CCDC14: variants seen among roughly 807,000 people sequenced by gnomAD.
CCDC14 encodes the protein coiled-coil domain containing 14, also known as coiled-coil domain-containing protein 14.
A neutral mutation model predicts 81.4 loss-of-function variants in CCDC14; 71 were observed. That is an observed-to-expected ratio of 0.87 (90% confidence interval 0.72 to 1.06). The LOEUF is 1.06. CCDC14 is among the 50% of genes least tolerant of loss of function. The probability of loss-of-function intolerance (pLI) is 0.00; values close to 1 mark genes in which losing one functional copy is unlikely to be tolerated. For missense variants in CCDC14, 1,046 were observed against 1,047.3 expected, an observed-to-expected ratio of 1.00 and a Z score of 0.02; for synonymous variants, 332 against 364.8, an observed-to-expected ratio of 0.91 and a Z score of 1.03.
At chr3:123,901,278 G>A (rs2034173562) in intron 5 of CCDC14, among the ~76,000 whole-genome samples, 1 of 151,442 alleles carries the variant, frequency 6.6e-6, no homozygotes, top group Non-Finnish European at 1.5e-5. Context: ...TACACAGGGG[G>A]GCTTATTAAG....
chr3:123,960,531 G>A (rs2037619029), intron 1 of CCDC14, among the ~76,000 whole-genome samples: 1 of 152,146 alleles, frequency 6.6e-6, no homozygotes. Context: ...TACCTCATAA[G>A]GATATCGTGA....
chr3:123,914,222 A>G lies in CCDC14; in HGVS notation c.*557T>C, dbSNP rs2034530055. 4 of 984,406 alleles carry G rather than the reference A, an allele frequency of 4.1e-6. No homozygotes were observed. Among genetic ancestry groups the G allele is most frequent in the African/African-American group, 1.7e-5 (1 of 57,192 alleles). 61.0% of individuals were successfully genotyped at this position (984,406 alleles called of 1,614,324 possible). On this transcript the variant is annotated 3_prime_UTR_variant, in exon 13 of 13. Transcript: ENST00000409697. ...TATGTTAACTTAGGATGTTATCTAT[A>G]TATTTTTTAGACCAATCAATGTTTT...
At chr3:123,900,212 G>A (rs1386695615) in intron 5 of CCDC14, among the ~76,000 whole-genome samples, 1 of 152,154 alleles carries the variant, frequency 6.6e-6, no homozygotes, top group Non-Finnish European at 1.5e-5. Flanking sequence ...TAAGAACAAG[G>A]TAGAATTTTT....
chr3:123,931,864 T>G (rs1276052811), intron 10 of CCDC14, among the ~76,000 whole-genome samples: 7 of 152,198 alleles, frequency 4.6e-5, no homozygotes, highest in Non-Finnish European at 1.0e-4. Context: ...GAATCTCCCT[T>G]CCACTCCTCC....
At chr3:123,918,858 A>T (rs1577230838) in intron 12 of CCDC14, among the ~76,000 whole-genome samples, 2 of 152,200 alleles carry the variant, frequency 1.3e-5, no homozygotes, top group Admixed American at 6.5e-5. Context: ...GACCAGAGAG[A>T]CCAGTCAATA....
At chr3:123,943,302 T>G (rs1034360309) in intron 9 of CCDC14, among the ~76,000 whole-genome samples, 4 of 152,044 alleles carry the variant, frequency 2.6e-5, no homozygotes, top group Non-Finnish European at 5.9e-5. Flanking sequence ...CCAGCTTCAG[T>G]GATAAAGGTG....
In CCDC14 at chr3:123,947,226, T is replaced by G; in HGVS notation, c.778A>C (p.Ser260Arg). The G allele has an allele frequency of 6.2e-7, 1 of 1,613,978 alleles. No individual in the cohort carries two copies. The highest frequency in any genetic ancestry group is 8.5e-7 in the Non-Finnish European group (1 of 1,179,866). The change falls in exon 8 of 13, where the codon AGT becomes CGT. Residue 260 changes from serine to arginine, a missense_variant. Transcript: ENST00000409697. Reference sequence around the variant, plus strand: ...GGCAGGCTACATGGAACTCCAGGACTGGTATTAAATGAATTCCGTAGAACA... The same window carrying G: ...GGCAGGCTACATGGAACTCCAGGACGGGTATTAAATGAATTCCGTAGAACA... ...TDVLRNSFNTSPGVPCSLPKT... is the reference protein window; with the variant it reads ...TDVLRNSFNTRPGVPCSLPKT...
In CCDC14 at chr3:123,915,317, T is replaced by C. The variant is rs762784036; in HGVS notation, c.2180A>G (p.Asp727Gly). 2.5e-6 allele frequency: 4 copies of C among 1,613,990 alleles called. No individual in the cohort carries two copies. The highest frequency in any genetic ancestry group is 2.2e-5 in the South Asian group (2 of 91,076). ...AGCAAAAGGAATGTAAATTGTATTA[T>C]CCAAATTATGCTCATCTTCTATTAA... The part of the protein sequence containing the change: ...MALIEDEHNL[D>G]NTIYIPFARS... The change falls in exon 13 of 13, where the codon GAT (aspartate) becomes GGT (glycine). Residue 727 changes from aspartate to glycine, a missense_variant. By Grantham distance (94) the Asp-to-Gly change is moderately conservative. Coordinates refer to ENST00000409697, the MANE Select transcript of CCDC14 (RefSeq NM_001366335.1).
downstream of CCDC14, among the ~76,000 whole-genome samples, chr3:123,894,477 C>T (rs543078679): frequency 5.3e-5 from 8 of 152,198 alleles, no homozygotes; most frequent in South Asian, 1.7e-3. Flanking sequence ...GAATGGGTTC[C>T]TTTTATTTCT....
the CCDC14 span, among the ~76,000 whole-genome samples, chr3:123,886,551 C>T: frequency 3.3e-5 from 5 of 152,098 alleles, no homozygotes; most frequent in African/African-American, 9.7e-5. Flanking sequence ...GCACGTGCCA[C>T]CACACCCAGC....
chr3:123,896,398 T>C (rs2034063309), downstream of CCDC14, among the ~76,000 whole-genome samples: 1 of 152,180 alleles, frequency 6.6e-6, no homozygotes, highest in Non-Finnish European at 1.5e-5. Flanking sequence ...CAGTTTTAGG[T>C]ATTCTATTAT....
chr3:123,895,011 T>C (rs921792713), downstream of CCDC14, among the ~76,000 whole-genome samples: 9 of 152,214 alleles, frequency 5.9e-5, no homozygotes, highest in Non-Finnish European at 8.8e-5. Context: ...CCTAGCACAT[T>C]ATAATGTCTG....
At position 123,913,792 on chromosome 3, in the gene CCDC14, C is replaced by T; in HGVS notation, c.*987G>A. 1 of 985,134 alleles carries T rather than the reference C, an allele frequency of 1.0e-6. No homozygotes were observed. Among genetic ancestry groups the T allele is most frequent in the East Asian group, 1.1e-4 (1 of 8,810 alleles). The allele number at this position is 985,134 out of a possible 1,614,324, so 61.0% of individuals were successfully genotyped here. A position where few individuals can be genotyped will look rare whatever the true frequency, so the allele number is the denominator to read the frequency against. On this transcript the variant is annotated 3_prime_UTR_variant, in exon 13 of 13. Coordinates refer to ENST00000409697, the MANE Select transcript of CCDC14 (RefSeq NM_001366335.1). Reference sequence around the variant, plus strand: ...AGGACAATTAGAGTAGGCAGGTGACCTGTACAAAGTATTAGTGATAACACA... The same window carrying T: ...AGGACAATTAGAGTAGGCAGGTGACTTGTACAAAGTATTAGTGATAACACA...
At chr3:123,901,555 T>C (rs143744954) in intron 5 of CCDC14, among the ~76,000 whole-genome samples, 2,052 of 152,166 alleles carry the variant, frequency 0.013, 20 homozygotes, top group Non-Finnish European at 0.021. Context: ...AGCATTTAAA[T>C]GTAAAAAAAA....
At chr3:123,893,223 C>T (rs1366227883), downstream of CCDC14, among the ~76,000 whole-genome samples, 1 of 152,216 alleles carries the variant, frequency 6.6e-6, no homozygotes, top group Non-Finnish European at 1.5e-5. Context: ...ACACATTAAG[C>T]AACATCTCCC....
intron 12 of CCDC14, 119 bp from the exon 13 acceptor site, chr3:123,915,837 A>G (rs945031090): frequency 1.4e-6 from 1 of 709,250 alleles, no homozygotes; most frequent in Non-Finnish European, 2.2e-6. Flanking sequence ...TTAATATGAA[A>G]ACAAGCAACT....
chr3:123,949,046 A>G lies in CCDC14; in HGVS notation c.439T>C (p.Leu147=). 6.2e-7 allele frequency: 1 copy of G among 1,613,694 alleles called. No homozygotes were observed. Among genetic ancestry groups the G allele is most frequent in the Non-Finnish European group, 8.5e-7 (1 of 1,179,734 alleles). Residue 147 remains leucine (L), a synonymous_variant, in exon 6 of 13, where the codon TTG becomes CTG. Transcript: ENST00000409697. ...DTSDLEQNWS[L]QDHYRMYSPI... is the part of the protein sequence containing the mutation. ...GAATACATTCTATAATGATCTTGCA[A>G]TGACCAGTTTTGCTCTAGGTCTGAT...
intron 12 of CCDC14, among the ~76,000 whole-genome samples, chr3:123,922,275 C>T (rs1289190883): frequency 6.6e-6 from 1 of 152,000 alleles, no homozygotes; most frequent in Non-Finnish European, 1.5e-5. Context: ...AAAAAGAAAG[C>T]TCTCAAATAA....
At chr3:123,904,535 G>C (rs1053983420) in intron 5 of CCDC14, among the ~76,000 whole-genome samples, 1 of 150,058 alleles carries the variant, frequency 6.7e-6, no homozygotes, top group Non-Finnish European at 1.5e-5. Flanking sequence ...TAACCAACTC[G>C]TTAATCTCAT....
Sources: allele counts gnomAD v4.1 joint callset (sites outside exome capture counted in the v4.1 genomes callset), GRCh38; gene constraint gnomAD v4.1.1; transcripts MANE v1.5; gene names NCBI Gene and HGNC (gene_info 2026-07-23, HGNC 2026-07-21).